The following TC2N variants were observed in gnomAD, a reference collection of about 807,000 sequenced individuals.
TC2N encodes the protein tandem C2 domains nuclear protein.
In TC2N, 51 loss-of-function variants were observed where a neutral mutation model predicts 61.9. That is an observed-to-expected ratio of 0.82 (90% CI 0.66 to 1.04). The LOEUF (loss-of-function observed/expected upper bound fraction) is 1.04. Ranked by LOEUF, TC2N falls within the 50% of genes least tolerant of loss-of-function variation. TC2N has a pLI of 0.00. For synonymous variants in TC2N, 204 were observed against 192.6 expected (o/e 1.06, Z -0.49); for missense variants, 556 against 566.7 (o/e 0.98, Z 0.19).
chr14:91,841,976 C>CTT (rs10682178), intron 1 of TC2N, among the ~76,000 whole-genome samples: 23,067 of 125,652 alleles, frequency 0.18, 2,979 homozygotes, highest in African/African-American at 0.24. Context: ...TCCCTTCCAC[C>CTT]TTTTTTTTTT....
intron 3 of TC2N, among the ~76,000 whole-genome samples, chr14:91,804,599 TGACA>T (rs1043070153): frequency 3.3e-5 from 5 of 152,084 alleles, no homozygotes; most frequent in African/African-American, 9.7e-5. Context: ...CTAAAACTAC[TGACA>T]ATTACTTGAA....
At position 91,802,283 on chromosome 14, in the gene TC2N, C is replaced by T. The variant is rs756558535; in HGVS notation, c.440G>A (p.Arg147His). ...TCCATACAGTCTCTTCACTTCTGAA[C>T]GGGGAGGAAAGCGTCGACTCAAATC... ...SPDLSRRFPP[R>H]SEVKRLYGSV... The change falls in exon 4 of 12, where the codon CGT becomes CAT. Residue 147 changes from arginine (R) to histidine (H), a missense_variant. Coordinates refer to ENST00000435962, the MANE Select transcript of TC2N (RefSeq NM_001128596.3). The T allele has an allele frequency of 5.0e-6, 8 of 1,597,520 alleles. No homozygotes were observed. In the South Asian group the frequency reaches 6.9e-5, roughly 14 times the overall value.
chr14:91,821,453 A>C (rs565672500), intron 1 of TC2N, among the ~76,000 whole-genome samples: 78 of 149,992 alleles, frequency 5.2e-4, no homozygotes, highest in African/African-American at 1.8e-3. Context: ...CCTTCCCACA[A>C]AAAAAAAAAT....
chr14:91,842,981 A>G (rs1884840), intron 1 of TC2N, among the ~76,000 whole-genome samples: 85,811 of 152,002 alleles, frequency 0.56, 24,335 homozygotes, highest in Admixed American at 0.59. Context: ...GTTCAGCCAC[A>G]TGATTTGCTT....
intron 1 of TC2N, among the ~76,000 whole-genome samples, chr14:91,848,536 T>C (rs1044725103): frequency 2.0e-5 from 3 of 152,214 alleles, no homozygotes; most frequent in African/African-American, 7.2e-5. Context: ...GGGAGGAAAA[T>C]GCACTATCCA....
At position 91,812,404 on chromosome 14, in the gene TC2N, C is replaced by T. The variant is rs888535568; in HGVS notation, c.209G>A (p.Gly70Asp). 1 of 1,612,636 alleles carries T rather than the reference C, an allele frequency of 6.2e-7. No individual in the cohort carries two copies. The highest frequency in any genetic ancestry group is 1.7e-5 in the Admixed American group (1 of 59,850). The change falls in exon 3 of 12, where the codon GGC (glycine) becomes GAC (aspartate). Residue 70 changes from glycine (G) to aspartate (D), a missense_variant. Physicochemically the swap from Gly to Asp is moderately conservative, Grantham distance 94 (BLOSUM62 -1). Coordinates refer to ENST00000435962, the MANE Select transcript of TC2N (RefSeq NM_001128596.3). ...GGGCACCACAAATGGTACTTCTTTG[C>T]CATCAGATGGTAATTTGGAAAGCAA... is the stretch of plus-strand genomic sequence containing the variant. ...DYLLSKLPSD[G>D]KEVPFVVPKF... is the part of the protein sequence containing the mutation.
At chr14:91,814,502 T>C (rs1886923791) in intron 1 of TC2N, among the ~76,000 whole-genome samples, 1 of 141,972 alleles carries the variant, frequency 7.0e-6, no homozygotes, top group Admixed American at 7.2e-5. Flanking sequence ...GAAGGAGAAA[T>C]GAAGATGACA....
chr14:91,788,715 A>C (rs1410371459), intron 9 of TC2N, among the ~76,000 whole-genome samples: 1 of 152,286 alleles, frequency 6.6e-6, no homozygotes, highest in East Asian at 1.9e-4. Flanking sequence ...TTAAAATATG[A>C]TTCTGTATTT....
intron 1 of TC2N, among the ~76,000 whole-genome samples, chr14:91,815,394 T>C (rs553177111): frequency 3.4e-4 from 51 of 151,772 alleles, no homozygotes; most frequent in African/African-American, 1.1e-3. Flanking sequence ...TAGAAAAGTA[T>C]ACCTTAAGCA....
intron 10 of TC2N, 70 bp from the exon 11 acceptor site, chr14:91,785,431 T>A: frequency 9.0e-7 from 1 of 1,112,332 alleles, no homozygotes; most frequent in South Asian, 1.4e-5. Flanking sequence ...TATATACACA[T>A]CCAAGTTGGA....
intron 7 of TC2N, 34 bp downstream of exon 7, chr14:91,798,265 G>T: frequency 8.7e-7 from 1 of 1,150,744 alleles, no homozygotes; most frequent in Non-Finnish European, 1.3e-6. Flanking sequence ...ATTCAATTTT[G>T]TAATAAAAGC....
chr14:91,834,339 C>T (rs888534925), intron 1 of TC2N, among the ~76,000 whole-genome samples: 2 of 152,214 alleles, frequency 1.3e-5, no homozygotes, highest in African/African-American at 4.8e-5. Flanking sequence ...CAGCTTCTTG[C>T]TCTCAGCTTC....
chr14:91,810,298 T>A (rs372355741), intron 3 of TC2N, among the ~76,000 whole-genome samples: 1 of 151,538 alleles, frequency 6.6e-6, no homozygotes, highest in African/African-American at 2.4e-5. Context: ...ACCTCCAACA[T>A]TGGGAATCAC....
Position 91,783,001 on chromosome 14 carries a change from A to G in TC2N, c.*99T>C. 1 of 730,196 alleles carries G rather than the reference A, an allele frequency of 1.4e-6. No individual in the cohort carries two copies. The highest frequency in any genetic ancestry group is 1.8e-5 in the South Asian group (1 of 55,644). 45.2% of individuals were successfully genotyped at this position (730,196 alleles called of 1,614,324 possible). On this transcript the variant is annotated 3_prime_UTR_variant, in exon 12 of 12. Coordinates refer to ENST00000435962, the MANE Select transcript of TC2N (RefSeq NM_001128596.3). ...CCATAATTATAGCCCCCATAAATTG[A>G]CAAATTTGTTGATTTGCCTCTTCTC...
intron 1 of TC2N, among the ~76,000 whole-genome samples, chr14:91,827,925 A>G (rs1465664600): frequency 6.6e-6 from 1 of 152,220 alleles, no homozygotes; most frequent in Non-Finnish European, 1.5e-5. Context: ...TCATCATTGC[A>G]CATATTTTGA....
chr14:91,792,665 T>C, intron 8 of TC2N, 107 bp from the exon 9 acceptor site: 1 of 524,308 alleles, frequency 1.9e-6, no homozygotes, highest in Non-Finnish European at 3.1e-6. Context: ...CAATTCTTTT[T>C]ACAACAAAAC....
intron 1 of TC2N, among the ~76,000 whole-genome samples, chr14:91,831,088 G>A (rs117165238): frequency 6.6e-5 from 10 of 152,088 alleles, no homozygotes; most frequent in Admixed American, 6.6e-4. Flanking sequence ...AGACTTAAAG[G>A]CTCCTTTAGT....
chr14:91,805,600 G>A (rs1886473378), intron 3 of TC2N, among the ~76,000 whole-genome samples: 1 of 152,144 alleles, frequency 6.6e-6, no homozygotes, highest in Non-Finnish European at 1.5e-5. Flanking sequence ...GGGAGGCAGA[G>A]GTTGCAGTGA....
chr14:91,797,784 C>T lies in TC2N; in HGVS notation c.855+1G>A, dbSNP rs776919133. The T allele has an allele frequency of 1.2e-5, 19 of 1,554,348 alleles. No individual in the cohort carries two copies. The highest frequency in any genetic ancestry group is 1.7e-4 in the Middle Eastern group (1 of 5,890). On this transcript the variant is annotated splice_donor_variant, in intron 8 of 11. Transcript: ENST00000435962. LOFTEE classifies it high-confidence loss of function. ...AAATTCAAATACAAACAGCCACTTA[C>T]GTTGGAACCTTCCTTGGCTGAAGAT...
Sources: gnomAD v4.1 joint callset for allele counts (sites outside exome capture counted in the v4.1 genomes callset) on GRCh38, gnomAD v4.1.1 for gene constraint, MANE v1.5 for transcripts, NCBI Gene and HGNC (gene_info 2026-07-23, HGNC 2026-07-21) for gene names.